The following SLC9C1 variants were observed in gnomAD, a reference collection of about 807,000 sequenced individuals.
The protein encoded by SLC9C1 is sodium/hydrogen exchanger 10.
SLC9C1 carries 97 observed loss-of-function variants against 140.9 expected under a neutral mutation model. The ratio of observed to expected loss-of-function variants is 0.69; its 90% CI spans 0.58 to 0.82. SLC9C1 has a LOEUF of 0.82. SLC9C1 is among the 40% of genes least tolerant of loss of function. The pLI is 0.00. For synonymous variants in SLC9C1, 440 were observed against 442.6 expected (o/e 0.99, Z 0.07); for missense variants, 1,340 against 1,389.3 (o/e 0.96, Z 0.56).
At chr3:112,147,557 T>C in intron 28 of SLC9C1, 1 of 381,162 alleles carries the variant, frequency 2.6e-6, no homozygotes, top group Non-Finnish European at 5.2e-6. Context: ...TTTGGCAGGA[T>C]ATGAAATTCT....
At chr3:112,282,089 A>G (rs1195057765) in intron 2 of SLC9C1, among the ~76,000 whole-genome samples, 1 of 152,224 alleles carries the variant, frequency 6.6e-6, no homozygotes, top group African/African-American at 2.4e-5. Flanking sequence ...GAAAAGTTCA[A>G]CAAACTTTAC....
intron 28 of SLC9C1, among the ~76,000 whole-genome samples, chr3:112,146,749 A>AT (rs923562820): frequency 2.0e-5 from 3 of 152,236 alleles, no homozygotes; most frequent in Admixed American, 2.0e-4. Context: ...ATCTTGGAAT[A>AT]TTTTTTGTGT....
intron 13 of SLC9C1, among the ~76,000 whole-genome samples, chr3:112,226,654 A>T (rs964197404): frequency 1.3e-5 from 2 of 152,056 alleles, no homozygotes; most frequent in South Asian, 4.1e-4. Context: ...TCCAGGAGGT[A>T]GAGTTTGCAG....
At chr3:112,169,106 G>A (rs2077196621) in intron 24 of SLC9C1, 44 bp from the exon 25 acceptor site, 1 of 1,570,864 alleles carries the variant, frequency 6.4e-7, no homozygotes, top group Non-Finnish European at 8.6e-7. Context: ...AGTCTATGAA[G>A]TTCAGTATAT....
chr3:112,196,409 G>A (rs892173025), intron 20 of SLC9C1, among the ~76,000 whole-genome samples: 1 of 151,994 alleles, frequency 6.6e-6, no homozygotes, highest in African/African-American at 2.4e-5. Context: ...GAGATTCTTG[G>A]ATGTTTACAT....
chr3:112,258,796 G>T (rs922234202), intron 10 of SLC9C1, among the ~76,000 whole-genome samples: 4 of 152,040 alleles, frequency 2.6e-5, no homozygotes, highest in African/African-American at 4.8e-5. Context: ...GGTTTAATTG[G>T]CTCATGATTC....
At position 112,266,230 on chromosome 3, in the gene SLC9C1, C is replaced by T; in HGVS notation, c.878+8G>A. On this transcript the variant is annotated splice_region_variant and intron_variant, in intron 8 of 28. Transcript: ENST00000305815. ...ATGAAATAAAGTCAAAATATGCTATCCACTTACTCAAGAAGAAGTGTTTCT... is the reference window on the plus strand; with the variant it reads ...ATGAAATAAAGTCAAAATATGCTATTCACTTACTCAAGAAGAAGTGTTTCT... 6.4e-7 allele frequency: 1 copy of T among 1,568,376 alleles called. No homozygotes were observed. The highest frequency in any genetic ancestry group is 8.8e-7 in the Non-Finnish European group (1 of 1,142,140).
intron 20 of SLC9C1, among the ~76,000 whole-genome samples, chr3:112,183,053 T>C (rs536219436): frequency 2.7e-4 from 41 of 152,348 alleles, no homozygotes; most frequent in Admixed American, 2.4e-3. Flanking sequence ...TTATGAGTAA[T>C]GCCGCTACGA....
chr3:112,280,718 A>G lies in SLC9C1; in HGVS notation c.154T>C (p.Cys52Arg). 1 of 1,612,068 alleles carries G rather than the reference A, an allele frequency of 6.2e-7. No homozygotes were observed. The highest frequency in any genetic ancestry group is 8.5e-7 in the Non-Finnish European group (1 of 1,179,520). Reference protein sequence around the residue: ...PVPVILFLLGCSFEVLSFTSS... With the variant: ...PVPVILFLLGRSFEVLSFTSS... ...GTAAAGCTTAATACTTCAAAACTGC[A>G]TCCAAGTAAAAATAATATCACAGGG... The change falls in exon 3 of 29, where the codon TGC (cysteine) becomes CGC (arginine). Residue 52 changes from cysteine (C) to arginine (R), a missense_variant. By Grantham distance (180) the Cys-to-Arg change is radical. Coordinates refer to ENST00000305815, the MANE Select transcript of SLC9C1 (RefSeq NM_183061.3).
chr3:112,197,454 A>G (rs184368471), intron 20 of SLC9C1, among the ~76,000 whole-genome samples: 49 of 152,264 alleles, frequency 3.2e-4, no homozygotes, highest in African/African-American at 1.0e-3. Flanking sequence ...TTTATTGCCA[A>G]TCTGGCTCTT....
In SLC9C1 at chr3:112,264,325, T is replaced by G; in HGVS notation, c.897A>C (p.Ser299=). 8 of 1,462,204 alleles carry G rather than the reference T, an allele frequency of 5.5e-6. No individual in the cohort carries two copies. Among genetic ancestry groups the G allele is most frequent in the Non-Finnish European group, 7.2e-6 (8 of 1,107,976 alleles). 90.6% of individuals were successfully genotyped at this position (1,462,204 alleles called of 1,614,324 possible). A position where few individuals can be genotyped will look rare whatever the true frequency, so the allele number is the denominator to read the frequency against. Reference sequence around the variant, plus strand: ...TAAACACCATGAGAAAAGCAATACGTGATAGAAAAGTCCAGAATCTGCATC... The same window carrying G: ...TAAACACCATGAGAAAAGCAATACGGGATAGAAAAGTCCAGAATCTGCATC... ...TLLLEFWTFL[S]RIAFLMVFTF... Residue 299 remains serine (S), a synonymous_variant, in exon 9 of 29, where the codon TCA becomes TCC. Transcript: ENST00000305815.
chr3:112,166,679 ATTAC>A (rs996729169), intron 26 of SLC9C1, among the ~76,000 whole-genome samples: 7 of 152,082 alleles, frequency 4.6e-5, no homozygotes, highest in Non-Finnish European at 8.8e-5. Flanking sequence ...TTCTATTATT[ATTAC>A]TTATTCAATA....
At chr3:112,290,230 A>G (rs1220224392) in intron 1 of SLC9C1, among the ~76,000 whole-genome samples, 3 of 152,248 alleles carry the variant, frequency 2.0e-5, no homozygotes, top group African/African-American at 7.2e-5. Flanking sequence ...CCACAGTTAC[A>G]CATTCCTACA....
chr3:112,159,844 C>T (rs1429566718), intron 26 of SLC9C1, among the ~76,000 whole-genome samples: 3 of 151,136 alleles, frequency 2.0e-5, no homozygotes, highest in South Asian at 2.1e-4. Flanking sequence ...GTAAAGATTT[C>T]GATTTAAGGT....
At chr3:112,241,388 C>G (rs547651945) in intron 11 of SLC9C1, among the ~76,000 whole-genome samples, 1 of 151,882 alleles carries the variant, frequency 6.6e-6, no homozygotes, top group Admixed American at 6.6e-5. Context: ...ATAGAGCTAA[C>G]GAAGGAGGTG....
intron 15 of SLC9C1, among the ~76,000 whole-genome samples, chr3:112,211,731 A>G (rs1202518828): frequency 1.3e-5 from 2 of 152,238 alleles, no homozygotes; most frequent in African/African-American, 4.8e-5. Context: ...GGTGGAGCCC[A>G]CTGCAGCTCA....
At chr3:112,215,877 A>T (rs1188516647) in intron 15 of SLC9C1, among the ~76,000 whole-genome samples, 2 of 152,198 alleles carry the variant, frequency 1.3e-5, no homozygotes, top group Non-Finnish European at 2.9e-5. Context: ...TATGGAACCA[A>T]AAAAGAGCCC....
At chr3:112,269,230 C>A (rs572176781) in intron 7 of SLC9C1, among the ~76,000 whole-genome samples, 5 of 152,270 alleles carry the variant, frequency 3.3e-5, no homozygotes, top group African/African-American at 1.2e-4. Flanking sequence ...CCGCCTCAGG[C>A]TCCTGAGGAG....
intron 10 of SLC9C1, among the ~76,000 whole-genome samples, chr3:112,257,930 G>A (rs923719809): frequency 2.6e-5 from 4 of 152,130 alleles, no homozygotes. Context: ...CAGCTAACAA[G>A]CATATTTTAA....
Sources: gnomAD v4.1 joint callset for allele counts (sites outside exome capture counted in the v4.1 genomes callset) on GRCh38, gnomAD v4.1.1 for gene constraint, MANE v1.5 for transcripts, NCBI Gene and HGNC (gene_info 2026-07-23, HGNC 2026-07-21) for gene names.